DDX42: variants seen among roughly 807,000 people sequenced by gnomAD.
The protein encoded by DDX42 is ATP-dependent RNA helicase DDX42.
In DDX42, 22 loss-of-function variants were observed where a neutral mutation model predicts 101.5. That is an observed-to-expected ratio of 0.22 (90% CI 0.15 to 0.31). DDX42 has a LOEUF of 0.31. Ranked by LOEUF, DDX42 falls within the 10% of genes least tolerant of loss-of-function variation. The pLI, the probability that DDX42 is intolerant of heterozygous loss-of-function variation, is 1.00. For synonymous variants in DDX42, 402 were observed against 401.2 expected (o/e 1.00, Z -0.02); for missense variants, 849 against 1,199.9 (o/e 0.71, Z 4.32).
chr17:63,802,264 G>A (rs1223538443), intron 6 of DDX42, among the ~76,000 whole-genome samples: 1 of 152,180 alleles, frequency 6.6e-6, no homozygotes, highest in African/African-American at 2.4e-5. Context: ...TGAGCTACAT[G>A]TCTTTTTATT....
At chr17:63,788,209 G>A (rs1269011109) in intron 2 of DDX42, among the ~76,000 whole-genome samples, 3 of 149,162 alleles carry the variant, frequency 2.0e-5, no homozygotes, top group Admixed American at 1.3e-4. Context: ...CTGGCCTGGT[G>A]GTCTTTACTG....
chr17:63,810,847 G>C (rs979725062), intron 12 of DDX42, among the ~76,000 whole-genome samples: 1 of 152,184 alleles, frequency 6.6e-6, no homozygotes, highest in African/African-American at 2.4e-5. Context: ...CTGCTGATTT[G>C]AAATCAAGAG....
Position 63,818,125 on chromosome 17 carries a change from A to C in DDX42, c.2544A>C (p.Glu848Asp), listed in dbSNP as rs764662198. The change falls in exon 18 of 18, where the codon GAA (glutamate) becomes GAC (aspartate). Residue 848 changes from glutamate to aspartate, a missense_variant. Around this residue, in one of 5 missense-constraint regions of DDX42, gnomAD observed 300 missense variants for 304.9 expected, o/e 0.98. Coordinates refer to ENST00000389924, the MANE Select transcript of DDX42 (RefSeq NM_203499.3). ...ATGGAGATGGATACCGCCATCCAGAAAGCAGCAGCCGTCATACTGATGGCC... is the reference window on the plus strand; with the variant it reads ...ATGGAGATGGATACCGCCATCCAGACAGCAGCAGCCGTCATACTGATGGCC... ...GRHGDGYRHPESSSRHTDGHR... is the reference protein window; with the variant it reads ...GRHGDGYRHPDSSSRHTDGHR... 3.1e-6 allele frequency: 5 copies of C among 1,613,924 alleles called. No individual in the cohort carries two copies. The highest frequency in any genetic ancestry group is 4.2e-6 in the Non-Finnish European group (5 of 1,180,038).
At chr17:63,789,858 C>T (rs902612609) in intron 2 of DDX42, among the ~76,000 whole-genome samples, 4 of 152,216 alleles carry the variant, frequency 2.6e-5, no homozygotes, top group African/African-American at 9.6e-5. Flanking sequence ...CAAGCATGAG[C>T]CACTGCACCT....
intron 6 of DDX42, among the ~76,000 whole-genome samples, chr17:63,802,196 A>G (rs2039779244): frequency 6.6e-6 from 1 of 152,228 alleles, no homozygotes. Context: ...AAGAAAAAAA[A>G]AGGCCAGTTT....
intron 1 of DDX42, among the ~76,000 whole-genome samples, chr17:63,779,209 A>G (rs2039457426): frequency 6.6e-6 from 1 of 152,204 alleles, no homozygotes. Flanking sequence ...ATCTTTTTTA[A>G]GAGAAAAAAT....
intron 1 of DDX42, among the ~76,000 whole-genome samples, chr17:63,782,970 G>A (rs2039506729): frequency 6.6e-6 from 1 of 152,196 alleles, no homozygotes; most frequent in African/African-American, 2.4e-5. Context: ...TAGCTGCACT[G>A]AACTATTTCT....
chr17:63,817,661 C>T (rs1416221219), intron 17 of DDX42, 33 bp from the exon 18 acceptor site: 34 of 1,596,256 alleles, frequency 2.1e-5, no homozygotes, highest in Non-Finnish European at 2.8e-5. Flanking sequence ...AACTTGCTAT[C>T]TTACCTACTC....
At chr17:63,791,172 A>G (rs2039623347) in intron 2 of DDX42, among the ~76,000 whole-genome samples, 1 of 152,240 alleles carries the variant, frequency 6.6e-6, no homozygotes, top group African/African-American at 2.4e-5. Context: ...ACAGTGGTTT[A>G]GTTTATAAAG....
chr17:63,779,964 T>G (rs2039466755), intron 1 of DDX42, among the ~76,000 whole-genome samples: 1 of 152,218 alleles, frequency 6.6e-6, no homozygotes, highest in Non-Finnish European at 1.5e-5. Flanking sequence ...TCTCTGTGAT[T>G]GTCAAGGTTC....
rs889312446 is a variant in DDX42, at chr17:63,781,373, A to T, written c.-16-5661A>T. Among the ~76,000 whole-genome samples the T allele has an allele frequency of 2.6e-5, 4 of 152,142 alleles. No individual in the cohort carries two copies. In the East Asian group the frequency reaches 7.8e-4, roughly 30 times the overall value. ...GCCGGAACTACAGGTGCCCGCCACCACGTCCGGCTAATTTTTTGTATTTTT... is the reference window on the plus strand; with the variant it reads ...GCCGGAACTACAGGTGCCCGCCACCTCGTCCGGCTAATTTTTTGTATTTTT... On this transcript the variant is annotated intron_variant, in intron 1 of 17. Transcript: ENST00000389924.
intron 1 of DDX42, among the ~76,000 whole-genome samples, chr17:63,784,690 C>T (rs971306887): frequency 6.6e-6 from 1 of 152,154 alleles, no homozygotes; most frequent in Admixed American, 6.6e-5. Flanking sequence ...GGGAGGATCA[C>T]TTGAGCCCAG....
intron 13 of DDX42, 97 bp downstream of exon 13, chr17:63,811,270 A>T: frequency 1.0e-6 from 1 of 958,160 alleles, no homozygotes; most frequent in East Asian, 2.8e-5. Context: ...AAAAAAAAAG[A>T]TGTTATGTTT....
chr17:63,794,215 G>A (rs2039664652), intron 3 of DDX42, among the ~76,000 whole-genome samples: 1 of 151,986 alleles, frequency 6.6e-6, no homozygotes, highest in Non-Finnish European at 1.5e-5. Context: ...ACCAAAATAT[G>A]TTTCTTTTCA....
intron 6 of DDX42, 115 bp from the exon 7 acceptor site, chr17:63,804,956 C>T: frequency 3.8e-6 from 5 of 1,328,264 alleles, no homozygotes; most frequent in East Asian, 2.6e-5. Context: ...TTTGCTTTCT[C>T]TAGCTGGAAT....
chr17:63,803,850 A>G (rs1367737741), intron 6 of DDX42, among the ~76,000 whole-genome samples: 1 of 151,564 alleles, frequency 6.6e-6, no homozygotes, highest in Non-Finnish European at 1.5e-5. Context: ...GGCTTTCACC[A>G]TGTTGGCCAG....
At position 63,808,822 on chromosome 17, in the gene DDX42, C is replaced by A. The variant is rs1302289457; in HGVS notation, c.1026C>A (p.Ile342=). The change falls in exon 10 of 18, where the codon ATC becomes ATA. Residue 342 remains isoleucine (I), a splice_region_variant and synonymous_variant. Coordinates refer to ENST00000389924, the MANE Select transcript of DDX42 (RefSeq NM_203499.3). ...VCPTRELCQQ[I]HAECKRFGKA... ...ATATATTATTCACAACTTTGTAGAT[C>A]CATGCAGAATGTAAGCGGTTTGGAA... The A allele has an allele frequency of 2.5e-6, 4 of 1,613,554 alleles. No individual in the cohort carries two copies. The East Asian group carries it at 8.9e-5, about 36-fold the overall frequency.
chr17:63,813,469 A>C lies in DDX42; in HGVS notation c.1902+15A>C, dbSNP rs765810280. The C allele has an allele frequency of 8.1e-6, 13 of 1,608,150 alleles. No individual in the cohort carries two copies. The South Asian group carries it at 1.4e-4, about 18-fold the overall frequency. ...TGGCAATGCAGGTGAGGGGCTGGGCACACTTTCAATTGCTCCTGGTTATAA... is the reference window on the plus strand; with the variant it reads ...TGGCAATGCAGGTGAGGGGCTGGGCCCACTTTCAATTGCTCCTGGTTATAA... On this transcript the variant is annotated intron_variant, in intron 15 of 17. Transcript: ENST00000389924.
chr17:63,797,730 T>A lies in DDX42; in HGVS notation c.373-308T>A, dbSNP rs568552900. 2.6e-5 allele frequency among the ~76,000 whole-genome samples: 4 copies of A among 152,376 alleles called. No homozygotes were observed. The East Asian group carries it at 7.7e-4, about 29-fold the overall frequency. ...CTATCTGCCTGAATTGAAAGCACTT[T>A]ATATCTGTAATTTTATCATTAACTT... On this transcript the variant is annotated intron_variant, in intron 3 of 17. Transcript: ENST00000389924.
Sources: gnomAD v4.1 joint callset for allele counts (sites outside exome capture counted in the v4.1 genomes callset) on GRCh38, gnomAD v4.1.1 for gene constraint, gnomAD v4.1.1 regional missense constraint, MANE v1.5 for transcripts, NCBI Gene and HGNC (gene_info 2026-07-23, HGNC 2026-07-21) for gene names.